BCL6: variants seen among roughly 807,000 people sequenced by gnomAD.
The protein encoded by BCL6 is BCL6 transcription repressor, also known as B-cell lymphoma 6 protein.
Under a neutral mutation model 59.5 loss-of-function variants are expected in BCL6, and 7 were observed. The observed-to-expected ratio is 0.12, with a 90% confidence interval of 0.07 to 0.22. The LOEUF is 0.22. Ranked by LOEUF, BCL6 falls within the 10% of genes least tolerant of loss-of-function variation. BCL6 has a pLI of 1.00. For missense variants in BCL6, 685 were observed against 939.4 expected (o/e 0.73, Z 3.54); for synonymous variants, 339 against 349.7 (o/e 0.97, Z 0.34).
At chr3:187,744,704 G>C (rs1279296721) in intron 1 of BCL6, among the ~76,000 whole-genome samples, 1 of 152,238 alleles carries the variant, frequency 6.6e-6, no homozygotes, top group Middle Eastern at 3.4e-3. Context: ...GAGCGAGCGG[G>C]CAGCCTCCCT....
chr3:187,726,837 C>G lies in BCL6; in HGVS notation c.1602G>C (p.Lys534Asn), dbSNP rs1333525198. 6.2e-7 allele frequency: 1 copy of G among 1,614,244 alleles called. No individual in the cohort carries two copies. Among genetic ancestry groups the G allele is most frequent in the East Asian group, 2.2e-5 (1 of 44,890 alleles). The change falls in exon 7 of 10, where the codon AAG becomes AAC. Residue 534 changes from lysine (K) to asparagine (N), a missense_variant. Lys to Asn is a moderately conservative substitution (Grantham distance 94, BLOSUM62 0). Transcript: ENST00000406870. ...CACTGTGGGTCTGCAGCGTGTGCCT[C>G]TTGAGTGAGGCCTCCTCAGAGAAGC... ...DCRFSEEASL[K>N]RHTLQTHSDK...
chr3:187,744,338 A>G (rs191453286), intron 1 of BCL6, among the ~76,000 whole-genome samples: 1 of 152,028 alleles, frequency 6.6e-6, no homozygotes, highest in African/African-American at 2.4e-5. Flanking sequence ...CACCCCAAGA[A>G]GCCCTGTCCC....
At chr3:187,741,273 T>C (rs1382913027) in intron 1 of BCL6, among the ~76,000 whole-genome samples, 1 of 152,200 alleles carries the variant, frequency 6.6e-6, no homozygotes, top group Non-Finnish European at 1.5e-5. Flanking sequence ...ATAAGTTGAT[T>C]TCTCCCCCAG....
intron 1 of BCL6, among the ~76,000 whole-genome samples, chr3:187,742,123 A>G (rs979917540): frequency 6.6e-6 from 1 of 152,058 alleles, no homozygotes; most frequent in African/African-American, 2.4e-5. Context: ...TCTCTGGGGG[A>G]AAAATGTTTC....
chr3:187,734,193 A>G (rs6797425), intron 2 of BCL6, among the ~76,000 whole-genome samples: 1 of 152,062 alleles, frequency 6.6e-6, no homozygotes, highest in African/African-American at 2.4e-5. Flanking sequence ...GGTGCCTGCC[A>G]CCATGCCCAG....
At chr3:187,730,814 A>T (rs1344421539) in intron 4 of BCL6, among the ~76,000 whole-genome samples, 1 of 152,246 alleles carries the variant, frequency 6.6e-6, no homozygotes, top group Non-Finnish European at 1.5e-5. Flanking sequence ...TAAATAGGCA[A>T]GCTCACCATG....
Position 187,726,694 on chromosome 3 carries a change from T to C in BCL6, c.1708+37A>G, listed in dbSNP as rs768026255. 11 of 1,604,766 alleles carry C rather than the reference T, an allele frequency of 6.9e-6. No homozygotes were observed. In the South Asian group the frequency reaches 1.2e-4, roughly 18 times the overall value. ...TCCTCTCCCTGTCCTGCCCCAATAA[T>C]TGTGGAGAGTTCGGGTCGTGTGGGG... On this transcript the variant is annotated intron_variant, in intron 7 of 9. Transcript: ENST00000406870.
chr3:187,744,744 A>G (rs556902710), intron 1 of BCL6, among the ~76,000 whole-genome samples: 2 of 152,202 alleles, frequency 1.3e-5, no homozygotes, highest in African/African-American at 2.4e-5. Context: ...CCAGAAGGAC[A>G]GGGGAAGGGA....
At chr3:187,745,292 A>G (rs1711896700) in intron 1 of BCL6, 118 bp downstream of exon 1, 3 of 399,016 alleles carry the variant, frequency 7.5e-6, no homozygotes, top group South Asian at 1.2e-4. Flanking sequence ...AGCGGAAAAA[A>G]AAAGAATTAA....
At position 187,732,256 on chromosome 3, in the gene BCL6, A is replaced by T; in HGVS notation, c.162-326T>A. On this transcript the variant is annotated intron_variant, in intron 3 of 9. Coordinates refer to ENST00000406870, the MANE Select transcript of BCL6 (RefSeq NM_001706.5). ...CCTTTTAGTCTTAACTGTACAGATT[A>T]CCAGAGTTAAATTTAGCCCCTTTGC... The T allele has an allele frequency of 2.6e-6, 1 of 384,704 alleles. No individual in the cohort carries two copies. The highest frequency in any genetic ancestry group is 4.9e-6 in the Non-Finnish European group (1 of 202,168). 23.8% of individuals were successfully genotyped at this position (384,704 alleles called of 1,614,324 possible).
chr3:187,743,335 CG>C (rs903587817), intron 1 of BCL6, among the ~76,000 whole-genome samples: 2 of 110,690 alleles, frequency 1.8e-5, no homozygotes, highest in African/African-American at 6.7e-5. Context: ...TGTGGGGTGG[CG>C]GGGGCCGGCG....
intron 1 of BCL6, among the ~76,000 whole-genome samples, 169 bp downstream of exon 1, chr3:187,745,241 T>G (rs193041319): frequency 2.6e-5 from 4 of 151,868 alleles, no homozygotes; most frequent in Admixed American, 6.6e-5. Context: ...TTTATATCAA[T>G]AGATACACAT....
intron 4 of BCL6, 97 bp from the exon 5 acceptor site, chr3:187,730,118 A>C: frequency 6.9e-7 from 1 of 1,453,324 alleles, no homozygotes; most frequent in Non-Finnish European, 9.2e-7. Context: ...TCTGTGTTTG[A>C]ATTAGCTAGA....
intron 6 of BCL6, 108 bp downstream of exon 6, chr3:187,728,252 G>T: frequency 8.5e-7 from 1 of 1,181,494 alleles, no homozygotes; most frequent in Non-Finnish European, 1.2e-6. Context: ...TTCCAATTGA[G>T]GACTGCTCCA....
chr3:187,722,282 G>A lies in BCL6; in HGVS notation c.*176C>T. 2 of 651,428 alleles carry A rather than the reference G, an allele frequency of 3.1e-6. No individual in the cohort carries two copies. Among genetic ancestry groups the A allele is most frequent in the South Asian group, 2.9e-5 (1 of 33,964 alleles). 40.4% of individuals were successfully genotyped at this position (651,428 alleles called of 1,614,324 possible). On this transcript the variant is annotated 3_prime_UTR_variant, in exon 10 of 10. Transcript: ENST00000406870. Reference sequence around the variant, plus strand: ...TTATGGCAGTGGGGGAGGGGGAGCTGCTGCGGCTCCCAGTCCCCCAGGCCC... The same window carrying A: ...TTATGGCAGTGGGGGAGGGGGAGCTACTGCGGCTCCCAGTCCCCCAGGCCC...
intron 7 of BCL6, 44 bp downstream of exon 7, chr3:187,726,687 C>T (rs774449610): frequency 6.2e-7 from 1 of 1,600,422 alleles, no homozygotes; most frequent in Non-Finnish European, 8.5e-7. Context: ...CTGTCCTGCC[C>T]CAATAATTGT....
intron 1 of BCL6, 109 bp from the exon 2 acceptor site, chr3:187,735,016 G>A (rs1553840631): frequency 6.6e-6 from 1 of 152,568 alleles, no homozygotes; most frequent in Non-Finnish European, 1.5e-5. Flanking sequence ...GATAGTTGCA[G>A]CTTGCCAGCT....
chr3:187,731,019 G>C (rs1050797470), intron 4 of BCL6, among the ~76,000 whole-genome samples: 19 of 152,150 alleles, frequency 1.2e-4, no homozygotes, highest in Non-Finnish European at 2.5e-4. Flanking sequence ...GGATCAAAAG[G>C]TTCTAAAGAA....
At chr3:187,728,272 A>G (rs1718822187) in intron 6 of BCL6, 88 bp downstream of exon 6, 36 of 1,325,494 alleles carry the variant, frequency 2.7e-5, no homozygotes, top group Non-Finnish European at 3.6e-5. Context: ...AATCAGAGAC[A>G]ACAGCATAAG....
Sources: allele counts gnomAD v4.1 joint callset (sites outside exome capture counted in the v4.1 genomes callset), GRCh38; gene constraint gnomAD v4.1.1; transcripts MANE v1.5; gene names NCBI Gene and HGNC (gene_info 2026-07-23, HGNC 2026-07-21).